The following COL23A1 variants were observed in gnomAD, a reference collection of about 807,000 sequenced individuals.
COL23A1 encodes the protein collagen alpha-1(XXIII) chain.
Under a neutral mutation model 99.3 loss-of-function variants are expected in COL23A1, and 97 were observed. That is an observed-to-expected ratio of 0.98 (90% CI 0.83 to 1.16). The LOEUF is 1.16. Ranked by LOEUF, COL23A1 falls within the 50% of genes most tolerant of loss-of-function variation. COL23A1 has a pLI of 0.00. For synonymous variants in COL23A1, 320 were observed against 308.2 expected (o/e 1.04, Z -0.40); for missense variants, 762 against 757.4 (o/e 1.01, Z -0.07).
At chr5:178,435,724 G>C (rs934505719) in intron 2 of COL23A1, among the ~76,000 whole-genome samples, 8 of 152,178 alleles carry the variant, frequency 5.3e-5, no homozygotes, top group African/African-American at 1.9e-4. Flanking sequence ...TTTTGAAGCC[G>C]CAATTGCATG....
intron 16 of COL23A1, among the ~76,000 whole-genome samples, chr5:178,253,916 C>A (rs1765168502): frequency 6.6e-6 from 1 of 151,986 alleles, no homozygotes; most frequent in Non-Finnish European, 1.5e-5. Context: ...ATAATCCCAG[C>A]ACTTTGGGAG....
intron 2 of COL23A1, among the ~76,000 whole-genome samples, chr5:178,349,229 T>C (rs1382438705): frequency 6.6e-6 from 1 of 152,076 alleles, no homozygotes; most frequent in African/African-American, 2.4e-5. Context: ...CAGCAATGAG[T>C]TGAGACCAGA....
Position 178,562,284 on chromosome 5 carries a change from G to A in COL23A1, c.295-1536C>T, listed in dbSNP as rs569403329. ...AAAAAAAAGAATGGAGCCGCGGGCC[G>A]GGCACAGTGGCTCGCTCACTCATAC... On this transcript the variant is annotated intron_variant, in intron 1 of 28. Coordinates refer to ENST00000390654, the MANE Select transcript of COL23A1 (RefSeq NM_173465.4). 213 of 294,960 alleles carry A rather than the reference G, an allele frequency of 7.2e-4. 1 individual carries two copies. Among genetic ancestry groups the A allele is most frequent in the South Asian group, 5.7e-3 (188 of 33,206 alleles). 18.3% of individuals were successfully genotyped at this position (294,960 alleles called of 1,614,324 possible).
intron 2 of COL23A1, among the ~76,000 whole-genome samples, chr5:178,429,827 C>T (rs1176637181): frequency 6.6e-6 from 1 of 152,178 alleles, no homozygotes; most frequent in Non-Finnish European, 1.5e-5. Context: ...CTTAGAGGGT[C>T]TACAGTGTGG....
At chr5:178,391,921 G>C (rs1763984778) in intron 2 of COL23A1, among the ~76,000 whole-genome samples, 1 of 152,162 alleles carries the variant, frequency 6.6e-6, no homozygotes, top group African/African-American at 2.4e-5. Flanking sequence ...CTGACACCGG[G>C]ATGAACATGC....
At chr5:178,488,971 G>A (rs536681023) in intron 2 of COL23A1, among the ~76,000 whole-genome samples, 1 of 152,350 alleles carries the variant, frequency 6.6e-6, no homozygotes, top group Non-Finnish European at 1.5e-5. Flanking sequence ...TCCCTGCAGA[G>A]ACCATTCTAA....
rs143128947 is a variant in COL23A1 at position 178,252,285 on chromosome 5, G to A, written c.1014+259C>T. ...CTGCATCCATGTAGCTGTAAAGGAC[G>A]TGATTTCATTCCTTTTTATAGCTGC... On this transcript the variant is annotated intron_variant, in intron 17 of 28. Coordinates refer to ENST00000390654, the MANE Select transcript of COL23A1 (RefSeq NM_173465.4). Among the ~76,000 whole-genome samples, 358 of 152,298 alleles carry A rather than the reference G, an allele frequency of 2.4e-3. 5 individuals are homozygous for A. The East Asian group carries it at 0.041, about 17-fold the overall frequency.
intron 1 of COL23A1, among the ~76,000 whole-genome samples, chr5:178,561,036 A>G (rs1762535741): frequency 6.6e-6 from 1 of 152,272 alleles, no homozygotes; most frequent in South Asian, 2.1e-4. Flanking sequence ...CGACAGAAAC[A>G]GCGTCCTGCA....
At chr5:178,515,795 C>T (rs1401845316) in intron 2 of COL23A1, among the ~76,000 whole-genome samples, 1 of 152,082 alleles carries the variant, frequency 6.6e-6, no homozygotes, top group Non-Finnish European at 1.5e-5. Flanking sequence ...CCACAGCCCA[C>T]TCGCCTGCTC....
intron 2 of COL23A1, among the ~76,000 whole-genome samples, chr5:178,322,584 C>CT (rs200845867): frequency 0.47 from 70,593 of 151,708 alleles, 17,527 homozygotes; most frequent in African/African-American, 0.64. Flanking sequence ...GGCTGCCAAA[C>CT]GAGCTGGCTC....
chr5:178,399,648 G>C (rs75564457), intron 2 of COL23A1, among the ~76,000 whole-genome samples: 8,334 of 152,238 alleles, frequency 0.055, 622 homozygotes, highest in East Asian at 0.4. Context: ...CCTACTCAAG[G>C]GTTGTGGGGA....
chr5:178,373,658 C>T (rs535124751), intron 2 of COL23A1, among the ~76,000 whole-genome samples: 7 of 152,160 alleles, frequency 4.6e-5, no homozygotes, highest in Non-Finnish European at 7.3e-5. Context: ...TCAGGTGATC[C>T]GCCTGCCTCA....
chr5:178,271,929 C>T (rs6889016), intron 5 of COL23A1, among the ~76,000 whole-genome samples: 9,302 of 152,224 alleles, frequency 0.061, 313 homozygotes, highest in Admixed American at 0.073. Context: ...TCTCATAGGC[C>T]CCTGACCGGT....
At chr5:178,440,367 C>T (rs552277831) in intron 2 of COL23A1, among the ~76,000 whole-genome samples, 2 of 152,252 alleles carry the variant, frequency 1.3e-5, no homozygotes, top group East Asian at 1.9e-4. Context: ...GCTTCTCCAC[C>T]GCAAGCTCCA....
At chr5:178,360,965 C>T (rs1012572074) in intron 2 of COL23A1, among the ~76,000 whole-genome samples, 2 of 152,154 alleles carry the variant, frequency 1.3e-5, no homozygotes, top group Non-Finnish European at 1.5e-5. Flanking sequence ...TTTTGACATT[C>T]GGCTTTGGAC....
chr5:178,407,225 A>G (rs916053232), intron 2 of COL23A1, among the ~76,000 whole-genome samples: 5 of 152,202 alleles, frequency 3.3e-5, no homozygotes, highest in Admixed American at 2.0e-4. Flanking sequence ...TCCCTTCCCA[A>G]TAGTAACAAG....
chr5:178,542,688 G>T (rs1037011657), intron 2 of COL23A1, among the ~76,000 whole-genome samples: 3 of 151,838 alleles, frequency 2.0e-5, no homozygotes, highest in Admixed American at 1.3e-4. Flanking sequence ...AAATGGGAAG[G>T]TGGAGAGGAA....
In COL23A1 at chr5:178,255,552, G is replaced by T. The variant is rs1385203277; in HGVS notation, c.883-526C>A. Among the ~76,000 whole-genome samples the T allele has an allele frequency of 6.6e-6, 1 of 152,180 alleles. No homozygotes were observed. On this transcript the variant is annotated intron_variant, in intron 15 of 28. Transcript: ENST00000390654. This position sits in a 1 kb window ranked among gnomAD's most constrained non-coding sequence, Gnocchi z 4.2. ...GTGCACACTCACACGTGCACGCATGGCTGCTGGCCAGCCCTTCCCTTGTGA... is the reference window on the plus strand; with the variant it reads ...GTGCACACTCACACGTGCACGCATGTCTGCTGGCCAGCCCTTCCCTTGTGA...
chr5:178,403,640 A>C (rs1296902755), intron 2 of COL23A1, among the ~76,000 whole-genome samples: 1 of 152,250 alleles, frequency 6.6e-6, no homozygotes, highest in Non-Finnish European at 1.5e-5. Flanking sequence ...CAAGATCTTC[A>C]GGTACCTTTC....
Sources: allele counts gnomAD v4.1 joint callset (sites outside exome capture counted in the v4.1 genomes callset), GRCh38; gene constraint gnomAD v4.1.1; non-coding constraint Gnocchi (gnomAD v3.1); transcripts MANE v1.5; gene names NCBI Gene and HGNC (gene_info 2026-07-23, HGNC 2026-07-21).